Variants in MECOM observed in about 807,000 individuals in gnomAD.
MECOM encodes MDS1 and EVI1 complex locus, also known as histone-lysine N-methyltransferase MECOM.
In MECOM, 13 loss-of-function variants were observed where a neutral mutation model predicts 116.3. The ratio of observed to expected loss-of-function variants is 0.11; its 90% confidence interval spans 0.07 to 0.18. MECOM has a LOEUF of 0.18. MECOM is among the 10% of genes least tolerant of loss of function. MECOM has a pLI of 1.00. For synonymous variants in MECOM, 528 were observed against 535.2 expected (o/e 0.99, Z 0.19); for missense variants, 1,299 against 1,509.0 (o/e 0.86, Z 2.31).
chr3:169,122,801 A>G, intron 5 of MECOM, 74 bp from the exon 6 acceptor site: 4 of 1,512,842 alleles, frequency 2.6e-6, no homozygotes, highest in Non-Finnish European at 3.6e-6. Context: ...TTGTTAATCC[A>G]ACTGGTAATT....
intron 1 of MECOM, among the ~76,000 whole-genome samples, chr3:169,643,834 A>G (rs1773798966): frequency 6.6e-6 from 1 of 152,252 alleles, no homozygotes; most frequent in African/African-American, 2.4e-5. Flanking sequence ...AGTGAAAATG[A>G]AATGAATAAT....
chr3:169,630,615 G>A (rs1283957268), intron 1 of MECOM, among the ~76,000 whole-genome samples: 11 of 152,040 alleles, frequency 7.2e-5, no homozygotes, highest in Admixed American at 7.2e-4. Context: ...ACCATGTCCA[G>A]CTTATTTTGT....
intron 2 of MECOM, among the ~76,000 whole-genome samples, chr3:169,318,208 TG>T (rs1056804121): frequency 6.6e-6 from 1 of 152,156 alleles, no homozygotes; most frequent in Non-Finnish European, 1.5e-5. Flanking sequence ...GACACAGGGA[TG>T]GGCAAAGACT....
At chr3:169,283,024 A>G (rs930967013) in intron 2 of MECOM, among the ~76,000 whole-genome samples, 1 of 152,122 alleles carries the variant, frequency 6.6e-6, no homozygotes, top group African/African-American at 2.4e-5. Flanking sequence ...TGCTGACTTC[A>G]ATCACATCTA....
intron 1 of MECOM, among the ~76,000 whole-genome samples, chr3:169,502,579 G>C (rs9861227): frequency 0.036 from 5,499 of 152,166 alleles, 337 homozygotes; most frequent in African/African-American, 0.13. Flanking sequence ...ACCCAGAGTT[G>C]CTCAATGAAC....
intron 1 of MECOM, among the ~76,000 whole-genome samples, chr3:169,520,601 G>T (rs1757222309): frequency 6.6e-6 from 1 of 152,206 alleles, no homozygotes; most frequent in Non-Finnish European, 1.5e-5. Flanking sequence ...ACCTTGGTAA[G>T]TATGTAATGC....
At chr3:169,327,748 C>T (rs559909812) in intron 2 of MECOM, among the ~76,000 whole-genome samples, 12 of 151,898 alleles carry the variant, frequency 7.9e-5, no homozygotes, top group Non-Finnish European at 1.3e-4. Flanking sequence ...GTATATAATT[C>T]GATAGACATT....
At chr3:169,473,954 A>C (rs982089785) in intron 1 of MECOM, among the ~76,000 whole-genome samples, 1 of 152,206 alleles carries the variant, frequency 6.6e-6, no homozygotes, top group Non-Finnish European at 1.5e-5. Flanking sequence ...TCAGAGAGAA[A>C]GAATACGCTC....
chr3:169,153,808 A>T (rs2149331482), intron 2 of MECOM, among the ~76,000 whole-genome samples: 1 of 152,288 alleles, frequency 6.6e-6, no homozygotes, highest in South Asian at 2.1e-4. Flanking sequence ...GGGAAAATAA[A>T]TTGGGTAACG....
At chr3:169,173,011 T>C (rs1744666466) in intron 2 of MECOM, among the ~76,000 whole-genome samples, 1 of 152,222 alleles carries the variant, frequency 6.6e-6, no homozygotes, top group Non-Finnish European at 1.5e-5. Flanking sequence ...AAATGTGATT[T>C]TTCCATAGTT....
intron 1 of MECOM, among the ~76,000 whole-genome samples, chr3:169,475,475 A>C (rs929718752): frequency 4.6e-5 from 7 of 152,200 alleles, no homozygotes; most frequent in African/African-American, 1.7e-4. Flanking sequence ...AGCCAAACTG[A>C]GAATTTCTAA....
chr3:169,232,510 G>A (rs1044743098), intron 2 of MECOM, among the ~76,000 whole-genome samples: 1 of 151,916 alleles, frequency 6.6e-6, no homozygotes, highest in East Asian at 1.9e-4. Context: ...GAATCACAGC[G>A]AGCTGTGAAT....
chr3:169,369,180 T>C (rs1471593208), intron 2 of MECOM, among the ~76,000 whole-genome samples: 1 of 151,930 alleles, frequency 6.6e-6, no homozygotes, highest in Non-Finnish European at 1.5e-5. Flanking sequence ...GAAGAAAGAA[T>C]AAGGCAAGCA....
chr3:169,267,991 A>G (rs1445491392), intron 2 of MECOM, among the ~76,000 whole-genome samples: 1 of 152,098 alleles, frequency 6.6e-6, no homozygotes, highest in Non-Finnish European at 1.5e-5. Flanking sequence ...TATAGTGCAC[A>G]TTGCAAATAA....
At chr3:169,584,193 A>G (rs1765456892) in intron 1 of MECOM, among the ~76,000 whole-genome samples, 1 of 152,322 alleles carries the variant, frequency 6.6e-6, no homozygotes, top group Admixed American at 6.5e-5. Flanking sequence ...GCTAACATTA[A>G]AAGACAGTAA....
chr3:169,425,928 A>G (rs752130046), intron 1 of MECOM, among the ~76,000 whole-genome samples: 31 of 152,198 alleles, frequency 2.0e-4, no homozygotes, highest in Non-Finnish European at 4.1e-4. Flanking sequence ...TTTTGGTAAC[A>G]GGATCTATAC....
intron 2 of MECOM, among the ~76,000 whole-genome samples, chr3:169,201,163 T>C (rs574470291): frequency 1.3e-5 from 2 of 152,262 alleles, no homozygotes; most frequent in South Asian, 4.1e-4. Flanking sequence ...GTTTACTTAA[T>C]GCACTTTGCA....
At chr3:169,286,543 C>A (rs535010075) in intron 2 of MECOM, among the ~76,000 whole-genome samples, 276 of 152,202 alleles carry the variant, frequency 1.8e-3, no homozygotes, top group African/African-American at 6.5e-3. Flanking sequence ...GACAACGCTC[C>A]CTGCAAGGAA....
chr3:169,088,361 A>G (rs1442622831), intron 16 of MECOM, among the ~76,000 whole-genome samples: 1 of 152,186 alleles, frequency 6.6e-6, no homozygotes, highest in African/African-American at 2.4e-5. Flanking sequence ...ATTTATTTTT[A>G]GTTACCATAG....
Sources: allele counts gnomAD v4.1 joint callset (sites outside exome capture counted in the v4.1 genomes callset), GRCh38; gene constraint gnomAD v4.1.1; transcripts MANE v1.5; gene names NCBI Gene and HGNC (gene_info 2026-07-23, HGNC 2026-07-21).